Variants in CADM2 observed in about 807,000 individuals in gnomAD.
The protein encoded by CADM2 is immunoglobulin superfamily member 4D.
CADM2 carries 12 observed loss-of-function variants against 49.8 expected under a neutral mutation model. The observed-to-expected ratio is 0.24, with a 90% confidence interval of 0.15 to 0.39. CADM2 has a LOEUF of 0.39. CADM2 is among the 10% of genes least tolerant of loss of function. CADM2 has a pLI of 1.00. For missense variants in CADM2, 378 were observed against 492.3 expected, an observed-to-expected ratio of 0.77 and a Z score of 2.20; for synonymous variants, 214 against 175.4, an observed-to-expected ratio of 1.22 and a Z score of -1.74.
intron 1 of CADM2, among the ~76,000 whole-genome samples, chr3:85,232,393 T>C (rs1242588367): frequency 6.6e-6 from 1 of 152,124 alleles, no homozygotes; most frequent in African/African-American, 2.4e-5. Flanking sequence ...AAAAAAGTTT[T>C]CTCTGAGTTC....
intron 1 of CADM2, among the ~76,000 whole-genome samples, chr3:85,249,967 C>G (rs1259833210): frequency 6.6e-6 from 1 of 151,610 alleles, no homozygotes; most frequent in African/African-American, 2.4e-5. Flanking sequence ...ACCATATTGA[C>G]AATAACATAA....
chr3:85,172,290 A>T (rs745903776), intron 1 of CADM2, among the ~76,000 whole-genome samples: 5 of 152,182 alleles, frequency 3.3e-5, no homozygotes, highest in Non-Finnish European at 7.3e-5. Flanking sequence ...TGTTTGTTCA[A>T]TTGTAAAAAA....
chr3:85,721,556 T>C (rs1037267356), intron 1 of CADM2, among the ~76,000 whole-genome samples: 16 of 152,132 alleles, frequency 1.1e-4, no homozygotes, highest in African/African-American at 3.6e-4. Flanking sequence ...CAGTCAGACA[T>C]GCCAGGTGCT....
chr3:85,782,715 C>A (rs2070733782), intron 2 of CADM2, among the ~76,000 whole-genome samples: 1 of 151,328 alleles, frequency 6.6e-6, no homozygotes, highest in African/African-American at 2.4e-5. Context: ...TCGAATCTTT[C>A]TTTCTCTCCT....
intron 1 of CADM2, among the ~76,000 whole-genome samples, chr3:85,183,192 G>A (rs2040977655): frequency 6.6e-6 from 1 of 152,098 alleles, no homozygotes; most frequent in South Asian, 2.1e-4. Context: ...GCTAAAATCT[G>A]TCAAGTATGG....
chr3:85,491,704 C>A lies in CADM2; in HGVS notation c.62-234818C>A, dbSNP rs189073410. 3.6e-4 allele frequency among the ~76,000 whole-genome samples: 55 copies of A among 152,194 alleles called. No homozygotes were observed. The East Asian group carries it at 8.7e-3, about 24-fold the overall frequency. ...CGGTGGCTCACACCTGTAATCCCAG[C>A]ACTTCGGGAGGCAGAGGCGGGCAGA... On this transcript the variant is annotated intron_variant, in intron 1 of 9. Transcript: ENST00000383699.
chr3:85,415,861 C>G (rs2035897876), intron 1 of CADM2, among the ~76,000 whole-genome samples: 1 of 151,994 alleles, frequency 6.6e-6, no homozygotes, highest in African/African-American at 2.4e-5. Context: ...TATACTTTCT[C>G]TTAGGGATAA....
rs531393994 is a variant in CADM2, at chr3:85,979,771, A to C, written c.970+18124A>C. 2.6e-5 allele frequency among the ~76,000 whole-genome samples: 4 copies of C among 151,760 alleles called. No individual in the cohort carries two copies. The South Asian group carries it at 6.2e-4, about 24-fold the overall frequency. On this transcript the variant is annotated intron_variant, in intron 8 of 9. Transcript: ENST00000383699. ...CAGTATAAATTATTCTCCACATAGA[A>C]CTTGCAAGTAAATATTCAAAATACA...
chr3:85,587,459 G>A (rs1220173917), intron 1 of CADM2, among the ~76,000 whole-genome samples: 1 of 152,030 alleles, frequency 6.6e-6, no homozygotes, highest in Non-Finnish European at 1.5e-5. Flanking sequence ...AGATCTCTCA[G>A]TGGGAAAATT....
intron 1 of CADM2, among the ~76,000 whole-genome samples, chr3:85,359,664 ATATT>A (rs1190043357): frequency 0.04 from 1,201 of 30,042 alleles, 74 homozygotes; most frequent in African/African-American, 0.072. Context: ...ATATATATAT[ATATT>A]TTTTTTTTTG....
intron 1 of CADM2, among the ~76,000 whole-genome samples, chr3:85,303,698 C>A (rs948830786): frequency 6.6e-6 from 1 of 151,710 alleles, no homozygotes; most frequent in Non-Finnish European, 1.5e-5. Context: ...AATGTCAAAC[C>A]CAATGAGTGT....
chr3:85,642,347 A>G (rs2107555845), intron 1 of CADM2, among the ~76,000 whole-genome samples: 1 of 152,336 alleles, frequency 6.6e-6, no homozygotes, highest in Admixed American at 6.5e-5. Context: ...ACTAAAAAGT[A>G]TTATATAGAG....
chr3:85,587,047 T>G (rs972237268), intron 1 of CADM2, among the ~76,000 whole-genome samples: 1 of 152,098 alleles, frequency 6.6e-6, no homozygotes, highest in Non-Finnish European at 1.5e-5. Flanking sequence ...GTCATACATT[T>G]GAAGTTTTAT....
At chr3:85,700,501 A>G (rs2066721049) in intron 1 of CADM2, among the ~76,000 whole-genome samples, 1 of 152,316 alleles carries the variant, frequency 6.6e-6, no homozygotes, top group Middle Eastern at 3.4e-3. Flanking sequence ...AATAAAATAT[A>G]TAAGTTCTAG....
At chr3:85,410,765 C>G (rs557261538) in intron 1 of CADM2, among the ~76,000 whole-genome samples, 7 of 152,218 alleles carry the variant, frequency 4.6e-5, no homozygotes, top group Non-Finnish European at 8.8e-5. Context: ...ACTGAAAGCT[C>G]TTTGTAGGTG....
chr3:85,548,462 G>A (rs977855413), intron 1 of CADM2, among the ~76,000 whole-genome samples: 1 of 151,828 alleles, frequency 6.6e-6, no homozygotes. Context: ...GTAAGAGCTC[G>A]ACAGTCTAAT....
intron 1 of CADM2, among the ~76,000 whole-genome samples, chr3:85,618,564 T>C (rs572995214): frequency 1.3e-5 from 2 of 152,282 alleles, no homozygotes; most frequent in African/African-American, 4.8e-5. Flanking sequence ...TTAGTTCTAC[T>C]TAGTCATAGC....
intron 1 of CADM2, among the ~76,000 whole-genome samples, chr3:85,595,487 T>G (rs1421143823): frequency 6.6e-6 from 1 of 152,096 alleles, no homozygotes; most frequent in African/African-American, 2.4e-5. Context: ...ACGTGGTATT[T>G]GGACGAGTAG....
intron 1 of CADM2, among the ~76,000 whole-genome samples, chr3:85,407,326 T>A (rs2035431719): frequency 6.6e-6 from 1 of 152,214 alleles, no homozygotes; most frequent in Non-Finnish European, 1.5e-5. Context: ...CACCCTCCTG[T>A]CCTTACAGGC....
Sources: gnomAD v4.1 joint callset for allele counts (sites outside exome capture counted in the v4.1 genomes callset) on GRCh38, gnomAD v4.1.1 for gene constraint, MANE v1.5 for transcripts, NCBI Gene and HGNC (gene_info 2026-07-23, HGNC 2026-07-21) for gene names.